The following CALCR variants were observed in gnomAD, a reference collection of about 807,000 sequenced individuals.
CALCR encodes calcitonin receptor.
A neutral mutation model predicts 59.5 loss-of-function variants in CALCR; 47 were observed. That is an observed-to-expected ratio of 0.79 (90% CI 0.63 to 1.01). The LOEUF (loss-of-function observed/expected upper bound fraction) is 1.01. Ranked by LOEUF, CALCR falls within the 50% of genes least tolerant of loss-of-function variation. CALCR has a pLI of 0.00. For missense variants in CALCR, 566 were observed against 597.1 expected, an observed-to-expected ratio of 0.95 and a Z score of 0.54; for synonymous variants, 213 against 211.3, an observed-to-expected ratio of 1.01 and a Z score of -0.07.
intron 2 of CALCR, among the ~76,000 whole-genome samples, chr7:93,549,394 A>G (rs1789389315): frequency 6.6e-6 from 1 of 152,134 alleles, no homozygotes; most frequent in African/African-American, 2.4e-5. Flanking sequence ...TATCTGATAG[A>G]AAAGGGAGAA....
rs2074120 is a variant in CALCR at position 93,477,781 on chromosome 7, A to C, written c.206-113T>G. On this transcript the variant is annotated intron_variant, in intron 4 of 13. Coordinates refer to ENST00000426151, the MANE Select transcript of CALCR (RefSeq NM_001742.4). ...GAGCTCACTACACCAGTCATAACCA[A>C]CCACATTTCAAACAAGCCAAGTCAT... The C allele has an allele frequency of 0.53, 336,124 of 630,312 alleles. 93,146 individuals are homozygous for C. Among genetic ancestry groups the C allele is most frequent in the African/African-American group, 0.78 (42,754 of 54,552 alleles). 39.0% of individuals were successfully genotyped at this position (630,312 alleles called of 1,614,324 possible). A position where few individuals can be genotyped will look rare whatever the true frequency, so the allele number is the denominator to read the frequency against.
intron 7 of CALCR, among the ~76,000 whole-genome samples, chr7:93,465,799 A>G (rs745741135): frequency 6.6e-6 from 1 of 151,944 alleles, no homozygotes; most frequent in Non-Finnish European, 1.5e-5. Flanking sequence ...CTGCATGCTC[A>G]GAATAAAATT....
At chr7:93,512,730 G>C (rs1801572941) in intron 2 of CALCR, among the ~76,000 whole-genome samples, 1 of 152,094 alleles carries the variant, frequency 6.6e-6, no homozygotes, top group Admixed American at 6.6e-5. Flanking sequence ...TTGCAGAGTG[G>C]AAGATGCTCT....
At chr7:93,437,747 A>G (rs776664987) in intron 11 of CALCR, among the ~76,000 whole-genome samples, 4 of 152,196 alleles carry the variant, frequency 2.6e-5, no homozygotes, top group Non-Finnish European at 4.4e-5. Context: ...CATAACACAA[A>G]CAAACTTCTT....
intron 2 of CALCR, among the ~76,000 whole-genome samples, chr7:93,497,677 A>G (rs547598663): frequency 1.3e-5 from 2 of 151,576 alleles, no homozygotes; most frequent in Non-Finnish European, 3.0e-5. Context: ...CTTGTTCAAT[A>G]CATGTTTTTT....
intron 7 of CALCR, among the ~76,000 whole-genome samples, chr7:93,464,053 T>G (rs537270541): frequency 6.6e-6 from 1 of 152,180 alleles, no homozygotes; most frequent in South Asian, 2.1e-4. Flanking sequence ...AATCTCAAGA[T>G]GTCACATTTT....
At chr7:93,559,574 C>A (rs1789692732) in intron 2 of CALCR, 1 of 151,866 alleles carries the variant, frequency 6.6e-6, no homozygotes, top group South Asian at 2.1e-4. Flanking sequence ...TCACTTTTAG[C>A]AGTGGTGGTC....
In CALCR at chr7:93,434,314, T is replaced by C. The variant is rs768579247; in HGVS notation, c.1150-20A>G. On this transcript the variant is annotated intron_variant, in intron 12 of 13. Coordinates refer to ENST00000426151, the MANE Select transcript of CALCR (RefSeq NM_001742.4). ...GAAGCCCTAAAAAGGGAAGGAAAAA[T>C]ACAGTTGAAGTTATTTTTGTGTGCA... The C allele has an allele frequency of 6.3e-7, 1 of 1,589,532 alleles. No individual in the cohort carries two copies. Among genetic ancestry groups the C allele is most frequent in the Non-Finnish European group, 8.6e-7 (1 of 1,159,904 alleles).
chr7:93,434,231 A>G, intron 13 of CALCR, 22 bp downstream of exon 13: 1 of 1,566,600 alleles, frequency 6.4e-7, no homozygotes, highest in South Asian at 1.1e-5. Flanking sequence ...AAGTGATAGT[A>G]TTATATGAAA....
chr7:93,566,596 C>T (rs370215843), intron 2 of CALCR, among the ~76,000 whole-genome samples: 25 of 152,038 alleles, frequency 1.6e-4, no homozygotes, highest in Non-Finnish European at 3.1e-4. Flanking sequence ...TGGTTTTAGG[C>T]GAACTTAGGT....
chr7:93,482,712 A>C, intron 3 of CALCR: 1 of 511,146 alleles, frequency 2.0e-6, no homozygotes, highest in South Asian at 1.5e-5. Flanking sequence ...AACAGTGGAA[A>C]TACGACAATC....
At chr7:93,439,237 C>T (rs1376064273) in intron 9 of CALCR, among the ~76,000 whole-genome samples, 1 of 152,072 alleles carries the variant, frequency 6.6e-6, no homozygotes, top group African/African-American at 2.4e-5. Flanking sequence ...TAAGAACAAC[C>T]TCAGCTTTTA....
chr7:93,454,723 C>A (rs1327996861), intron 8 of CALCR, among the ~76,000 whole-genome samples: 1 of 151,780 alleles, frequency 6.6e-6, no homozygotes, highest in African/African-American at 2.4e-5. Flanking sequence ...TGTATTCAGC[C>A]CCTCTTTATG....
chr7:93,514,196 A>G (rs993153426), intron 2 of CALCR, among the ~76,000 whole-genome samples: 1 of 152,094 alleles, frequency 6.6e-6, no homozygotes, highest in Non-Finnish European at 1.5e-5. Flanking sequence ...ATTAAGAGAT[A>G]AGCTTACCAT....
rs1790053379 is a variant in CALCR at position 93,573,667 on chromosome 7, C to T, written c.-27+622G>A. Among the ~76,000 whole-genome samples the T allele has an allele frequency of 2.0e-5, 3 of 152,196 alleles. No homozygotes were observed. The South Asian group carries it at 6.2e-4, about 31-fold the overall frequency. On this transcript the variant is annotated intron_variant, in intron 2 of 13. Coordinates refer to ENST00000426151, the MANE Select transcript of CALCR (RefSeq NM_001742.4). The stretch of plus-strand genomic sequence containing the variant: ...TTTGAGAAAAGGAATTAATTTGTTA[C>T]AGCTTTTCTTGATGTCTTTCACCCA...
chr7:93,564,634 A>C (rs747567667), intron 2 of CALCR, among the ~76,000 whole-genome samples: 2 of 151,922 alleles, frequency 1.3e-5, no homozygotes, highest in Non-Finnish European at 2.9e-5. Flanking sequence ...TTGTATTTTT[A>C]GTAGAGACGG....
chr7:93,481,133 C>G (rs918382741), intron 3 of CALCR, among the ~76,000 whole-genome samples: 1 of 151,744 alleles, frequency 6.6e-6, no homozygotes, highest in Non-Finnish European at 1.5e-5. Context: ...TGAGGATGAA[C>G]AAGACAATAA....
At chr7:93,551,900 T>C (rs1789469756) in intron 2 of CALCR, among the ~76,000 whole-genome samples, 1 of 152,164 alleles carries the variant, frequency 6.6e-6, no homozygotes, top group Non-Finnish European at 1.5e-5. Context: ...TCAATATAGA[T>C]GACACAAATT....
At chr7:93,433,333 G>C (rs1799698481) in intron 13 of CALCR, among the ~76,000 whole-genome samples, 1 of 152,182 alleles carries the variant, frequency 6.6e-6, no homozygotes. Flanking sequence ...AATAGGAATT[G>C]ATTTAAAATG....
Sources: gnomAD v4.1 joint callset for allele counts (sites outside exome capture counted in the v4.1 genomes callset) on GRCh38, gnomAD v4.1.1 for gene constraint, MANE v1.5 for transcripts, NCBI Gene and HGNC (gene_info 2026-07-23, HGNC 2026-07-21) for gene names.